The following ITPR1 variants were observed in gnomAD, a reference collection of about 807,000 sequenced individuals.
The protein encoded by ITPR1 is inositol 1,4,5-trisphosphate receptor type 1, also known as inositol 1,4,5-trisphosphate-gated calcium channel ITPR1.
ITPR1 carries 96 observed loss-of-function variants against 318.4 expected under a neutral mutation model. The observed-to-expected ratio is 0.30, with a 90% confidence interval of 0.26 to 0.36. The LOEUF (loss-of-function observed/expected upper bound fraction) is 0.36, where lower values mean the gene tolerates loss of function less well. Ranked by LOEUF, ITPR1 falls within the 10% of genes least tolerant of loss-of-function variation. The pLI is 1.00. For synonymous variants in ITPR1, 1,312 were observed against 1,289.9 expected (o/e 1.02, Z -0.37); for missense variants, 2,440 against 3,460.2 (o/e 0.71, Z 7.40).
chr3:4,753,863 A>G (rs2044738343), intron 44 of ITPR1, among the ~76,000 whole-genome samples: 1 of 152,022 alleles, frequency 6.6e-6, no homozygotes, highest in Non-Finnish European at 1.5e-5. Flanking sequence ...CTTGCAATAG[A>G]ATCTCAAGTG....
Position 4,493,458 on chromosome 3 carries a change from GAA to G in ITPR1, c.-238_-237del, listed in dbSNP as rs2080295630. The G allele has an allele frequency of 1.3e-5, 2 of 154,294 alleles. No homozygotes were observed. The highest frequency in any genetic ancestry group is 4.8e-5 in the African/African-American group (2 of 41,446). 9.6% of individuals were successfully genotyped at this position (154,294 alleles called of 1,614,324 possible). On this transcript the variant is annotated 5_prime_UTR_variant, in exon 1 of 62. Transcript: ENST00000649015. ...GGAGGAGGCAGGGGGTGGAGAGAGA[GAA>G]AGCGCACGCCGAGAGGAGGTGTGGG...
In ITPR1 at chr3:4,846,347, T is replaced by A; in HGVS notation, c.*122T>A. 1 of 611,828 alleles carries A rather than the reference T, an allele frequency of 1.6e-6. No individual in the cohort carries two copies. The highest frequency in any genetic ancestry group is 2.9e-6 in the Non-Finnish European group (1 of 347,718). 37.9% of individuals were successfully genotyped at this position (611,828 alleles called of 1,614,324 possible). A position where few individuals can be genotyped will look rare whatever the true frequency, so the allele number is the denominator to read the frequency against. On this transcript the variant is annotated 3_prime_UTR_variant, in exon 62 of 62. Coordinates refer to ENST00000649015, the MANE Select transcript of ITPR1 (RefSeq NM_001378452.1). ...GCTGAATACATTTGTAAATACTCAG[T>A]TTTATACTGTATGTATATGATTGCT...
chr3:4,499,054 G>A (rs114076122), intron 2 of ITPR1, among the ~76,000 whole-genome samples: 3,529 of 152,226 alleles, frequency 0.023, 64 homozygotes, highest in Non-Finnish European at 0.038. Context: ...CTCAGGGGAC[G>A]GAGGCAGGAG....
At chr3:4,800,310 G>T (rs2048145405) in intron 53 of ITPR1, 115 bp from the exon 54 acceptor site, 2 of 1,027,858 alleles carry the variant, frequency 1.9e-6, no homozygotes, top group Non-Finnish European at 2.9e-6. Context: ...GTGAGAGTTG[G>T]GACTGGTAAG....
chr3:4,619,952 CAG>C (rs1424290722), intron 4 of ITPR1, among the ~76,000 whole-genome samples: 1 of 151,240 alleles, frequency 6.6e-6, no homozygotes, highest in Non-Finnish European at 1.5e-5. Flanking sequence ...TTAAATTTCT[CAG>C]AGTTTTTATT....
At chr3:4,831,621 T>C (rs972343735) in intron 60 of ITPR1, among the ~76,000 whole-genome samples, 1 of 152,174 alleles carries the variant, frequency 6.6e-6, no homozygotes, top group Non-Finnish European at 1.5e-5. Context: ...GCGTCTTAGC[T>C]GAAGATGACT....
intron 4 of ITPR1, among the ~76,000 whole-genome samples, chr3:4,589,886 C>T (rs1389280485): frequency 1.3e-5 from 2 of 152,160 alleles, no homozygotes; most frequent in African/African-American, 4.8e-5. Context: ...GAAGACCAGG[C>T]CCCTGCCTGC....
intron 44 of ITPR1, among the ~76,000 whole-genome samples, chr3:4,760,536 G>A (rs546027899): frequency 6.6e-6 from 1 of 152,340 alleles, no homozygotes; most frequent in South Asian, 2.1e-4. Context: ...TTCTGTGGCT[G>A]CTGTAACAAA....
At chr3:4,788,276 G>A (rs1016088416) in intron 52 of ITPR1, 137 bp downstream of exon 52, 6 of 715,182 alleles carry the variant, frequency 8.4e-6, no homozygotes, top group Non-Finnish European at 1.4e-5. Flanking sequence ...CTGACCACCA[G>A]GAAGTCATAA....
At chr3:4,530,565 C>T (rs2083332048) in intron 4 of ITPR1, among the ~76,000 whole-genome samples, 1 of 152,200 alleles carries the variant, frequency 6.6e-6, no homozygotes, top group Admixed American at 6.5e-5. Context: ...GGGAGGATGG[C>T]TTGAGCCTAG....
chr3:4,527,702 A>G (rs1194773700), intron 4 of ITPR1, among the ~76,000 whole-genome samples: 1 of 152,168 alleles, frequency 6.6e-6, no homozygotes, highest in African/African-American at 2.4e-5. Context: ...TCACCATGAT[A>G]CTGGCATGGA....
intron 12 of ITPR1, among the ~76,000 whole-genome samples, chr3:4,654,614 T>C (rs2093665329): frequency 6.6e-6 from 1 of 152,188 alleles, no homozygotes; most frequent in Admixed American, 6.5e-5. Context: ...AAACAGTTGC[T>C]CCTGTGTCTG....
chr3:4,843,078 T>G lies in ITPR1; in HGVS notation c.8191-3061T>G, dbSNP rs868083519. 8.6e-4 allele frequency among the ~76,000 whole-genome samples: 121 copies of G among 140,666 alleles called. No homozygotes were observed. In the South Asian group the frequency reaches 0.01, roughly 12 times the overall value. The allele number at this position is 140,666 out of a possible 152,430, so 92.3% of individuals were successfully genotyped here. The stretch of plus-strand genomic sequence containing the variant: ...AGTCCTTCAGGGTTTTGAGGGGTTT[T>G]TTTTTTTTTTTTTTTTTGGTTCTCT... On this transcript the variant is annotated intron_variant, in intron 61 of 61. Coordinates refer to ENST00000649015, the MANE Select transcript of ITPR1 (RefSeq NM_001378452.1).
intron 20 of ITPR1, chr3:4,671,830 A>T (rs2094092053): frequency 6.6e-6 from 1 of 152,256 alleles, no homozygotes; most frequent in South Asian, 2.1e-4. Flanking sequence ...TGTGTGATGT[A>T]CGCATCCTAT....
At chr3:4,630,469 T>G (rs2092978777) in intron 5 of ITPR1, among the ~76,000 whole-genome samples, 1 of 152,000 alleles carries the variant, frequency 6.6e-6, no homozygotes, top group Admixed American at 6.6e-5. Context: ...TTGTGGACTG[T>G]CTCTGTTCAA....
intron 29 of ITPR1, 27 bp downstream of exon 29, chr3:4,684,373 T>G (rs754727755): frequency 6.5e-7 from 1 of 1,540,992 alleles, no homozygotes; most frequent in Non-Finnish European, 9.0e-7. Flanking sequence ...CCACCATTTT[T>G]CCTTTCTTTA....
chr3:4,804,132 A>C (rs757705505), intron 54 of ITPR1, among the ~76,000 whole-genome samples: 29 of 152,228 alleles, frequency 1.9e-4, no homozygotes, highest in Non-Finnish European at 3.7e-4. Flanking sequence ...TCGGCCTCCC[A>C]AAGTGCTGGG....
chr3:4,564,453 A>G lies in ITPR1; in HGVS notation c.163+43359A>G, dbSNP rs553963380. Among the ~76,000 whole-genome samples the G allele has an allele frequency of 2.6e-5, 4 of 152,342 alleles. No individual in the cohort carries two copies. In the South Asian group the frequency reaches 6.2e-4, roughly 24 times the overall value. ...GTCGGAATAGGTCCCACCCCGCTCC[A>G]GTATGGCCTCATCTTAACTAATGAC... On this transcript the variant is annotated intron_variant, in intron 4 of 61. Transcript: ENST00000649015.
At chr3:4,709,038 G>T (rs1040362563) in intron 37 of ITPR1, among the ~76,000 whole-genome samples, 7 of 152,218 alleles carry the variant, frequency 4.6e-5, no homozygotes, top group African/African-American at 1.4e-4. Context: ...ACATGAACAT[G>T]ATAAGAACAA....
Sources: allele counts gnomAD v4.1 joint callset (sites outside exome capture counted in the v4.1 genomes callset), GRCh38; gene constraint gnomAD v4.1.1; transcripts MANE v1.5; gene names NCBI Gene and HGNC (gene_info 2026-07-23, HGNC 2026-07-21).